Variants in CSTPP1 observed in about 807,000 individuals in gnomAD.
CSTPP1 encodes the protein centriolar satellite-associated tubulin polyglutamylase complex regulator 1.
At chr11:46,968,282 G>C in the CSTPP1 span, among the ~76,000 whole-genome samples, 833 of 149,740 alleles carry the variant, frequency 5.6e-3, 14 homozygotes, top group African/African-American at 0.019. Flanking sequence ...ACTATTTTAA[G>C]ATACAAGCAA....
At chr11:47,097,111 C>T in the CSTPP1 span, among the ~76,000 whole-genome samples, 1 of 139,270 alleles carries the variant, frequency 7.2e-6, no homozygotes, top group Non-Finnish European at 1.6e-5. Context: ...GGGGGGTCAG[C>T]CCCCCGCCTG....
chr11:46,987,253 T>A, the CSTPP1 span: 21 of 1,614,222 alleles, frequency 1.3e-5, no homozygotes, highest in Non-Finnish European at 1.8e-5. Flanking sequence ...GTGTGCCAGC[T>A]GCTAGAAAAC....
the CSTPP1 span, chr11:47,161,752 G>A: frequency 1.4e-6 from 2 of 1,450,848 alleles, no homozygotes; most frequent in East Asian, 2.5e-5. Context: ...CTGCTGACAA[G>A]GTGAATAACA....
At chr11:47,081,729 A>G in the CSTPP1 span, among the ~76,000 whole-genome samples, 2 of 152,214 alleles carry the variant, frequency 1.3e-5, no homozygotes, top group Admixed American at 1.3e-4. Flanking sequence ...ACTGGTAGCC[A>G]TGTTAAGAAT....
chr11:46,955,564 C>T, the CSTPP1 span, among the ~76,000 whole-genome samples: 3 of 150,786 alleles, frequency 2.0e-5, no homozygotes, highest in South Asian at 2.2e-4. Context: ...GGGGTTTCAC[C>T]GTGTTGGCCA....
chr11:46,974,782 G>A, the CSTPP1 span, among the ~76,000 whole-genome samples: 1 of 151,888 alleles, frequency 6.6e-6, no homozygotes, highest in Admixed American at 6.6e-5. Context: ...TTGAACCTGG[G>A]AGGTAGAGGT....
chr11:47,105,579 A>G, the CSTPP1 span, among the ~76,000 whole-genome samples: 1 of 152,176 alleles, frequency 6.6e-6, no homozygotes, highest in African/African-American at 2.4e-5. Flanking sequence ...TGTCCTAGGC[A>G]TGGTACTAAA....
chr11:47,036,034 G>GATATATATAT, the CSTPP1 span, among the ~76,000 whole-genome samples: 63 of 25,380 alleles, frequency 2.5e-3, 12 homozygotes, highest in African/African-American at 6.1e-3. Flanking sequence ...GGAGTGAAAA[G>GATATATATAT]ATATATATAT....
the CSTPP1 span, among the ~76,000 whole-genome samples, chr11:46,947,430 A>G: frequency 1.3e-5 from 2 of 152,238 alleles, no homozygotes; most frequent in Admixed American, 6.5e-5. Flanking sequence ...ATTTTCCCAA[A>G]CACAACTGAA....
At chr11:47,156,999 ACACCCC>A in the CSTPP1 span, 3 of 1,613,354 alleles carry the variant, frequency 1.9e-6, no homozygotes, top group African/African-American at 1.3e-5. Flanking sequence ...GTCCACACCC[ACACCCC>A]CACCCCCACG....
At chr11:47,038,068 C>A in the CSTPP1 span, among the ~76,000 whole-genome samples, 1 of 105,712 alleles carries the variant, frequency 9.5e-6, no homozygotes, top group South Asian at 3.4e-4. Context: ...AGGCGCCCCT[C>A]ACCTCCCGGA....
At chr11:46,965,826 T>A in the CSTPP1 span, among the ~76,000 whole-genome samples, 3 of 152,216 alleles carry the variant, frequency 2.0e-5, no homozygotes, top group South Asian at 6.2e-4. Context: ...TTAGTTGCAT[T>A]GTGAAATCTA....
At chr11:47,028,188 G>A in the CSTPP1 span, among the ~76,000 whole-genome samples, 1 of 152,158 alleles carries the variant, frequency 6.6e-6, no homozygotes, top group South Asian at 2.1e-4. Flanking sequence ...CTCCCAAAGT[G>A]CTGGGATTAC....
chr11:47,028,818 C>T, the CSTPP1 span, among the ~76,000 whole-genome samples: 1 of 151,982 alleles, frequency 6.6e-6, no homozygotes, highest in Admixed American at 6.6e-5. Flanking sequence ...AAAATCATGC[C>T]ATAGGAATAT....
At chr11:47,087,396 G>A in the CSTPP1 span, among the ~76,000 whole-genome samples, 1 of 152,096 alleles carries the variant, frequency 6.6e-6, no homozygotes, top group Non-Finnish European at 1.5e-5. Context: ...CATATTCCAT[G>A]TGGTTGTGAG....
chr11:47,108,911 T>C, the CSTPP1 span: 2 of 152,118 alleles, frequency 1.3e-5, no homozygotes, highest in East Asian at 1.9e-4. Context: ...TTCACCATGT[T>C]GGTCAGGCTT....
chr11:46,989,849 C>T, the CSTPP1 span, among the ~76,000 whole-genome samples: 1 of 151,308 alleles, frequency 6.6e-6, no homozygotes, highest in Non-Finnish European at 1.5e-5. Flanking sequence ...TGTTCATGTC[C>T]ATGAATGCTC....
chr11:47,091,046 CAAAAAAAA>C, the CSTPP1 span, among the ~76,000 whole-genome samples: 1 of 83,688 alleles, frequency 1.2e-5, no homozygotes, highest in Non-Finnish European at 2.2e-5. Flanking sequence ...GACTCCATCT[CAAAAAAAA>C]AAAAAAAAAA....
At chr11:47,077,392 GT>G in the CSTPP1 span, among the ~76,000 whole-genome samples, 1 of 151,934 alleles carries the variant, frequency 6.6e-6, no homozygotes, top group African/African-American at 2.4e-5. Context: ...GTAGAGACGG[GT>G]TTCACCTTGT....
Sources: gnomAD v4.1 joint callset for allele counts (sites outside exome capture counted in the v4.1 genomes callset) on GRCh38, gnomAD v4.1.1 for gene constraint, MANE v1.5 for transcripts, NCBI Gene and HGNC (gene_info 2026-07-23, HGNC 2026-07-21) for gene names.